The following CALN1 variants were observed in gnomAD, a reference collection of about 807,000 sequenced individuals.
The protein encoded by CALN1 is calcium-binding protein 8.
In CALN1, 17 loss-of-function variants were observed where a neutral mutation model predicts 30.6. The ratio of observed to expected loss-of-function variants is 0.56; its 90% CI spans 0.38 to 0.83. CALN1 has a LOEUF of 0.83. Ranked by LOEUF, CALN1 falls within the 40% of genes least tolerant of loss-of-function variation. The pLI, the probability that CALN1 is intolerant of heterozygous loss-of-function variation, is 0.00. For synonymous variants in CALN1, 156 were observed against 131.4 expected (o/e 1.19, Z -1.28); for missense variants, 291 against 354.9 (o/e 0.82, Z 1.45).
At chr7:72,494,602 C>T in the CALN1 span, among the ~76,000 whole-genome samples, 6 of 152,214 alleles carry the variant, frequency 3.9e-5, no homozygotes, top group Non-Finnish European at 7.3e-5. Flanking sequence ...ACAGGCCGGG[C>T]GCGTTGGCCC....
intron 5 of CALN1, among the ~76,000 whole-genome samples, chr7:71,819,325 C>G (rs1788459511): frequency 1.3e-5 from 2 of 151,832 alleles, no homozygotes; most frequent in Admixed American, 1.3e-4. Context: ...TCTCCTGCCT[C>G]AGCCTCCTGA....
intron 3 of CALN1, among the ~76,000 whole-genome samples, chr7:72,176,998 T>C (rs919921956): frequency 2.6e-5 from 4 of 152,114 alleles, no homozygotes; most frequent in African/African-American, 9.7e-5. Context: ...ACACCTATTG[T>C]AATTTCTGGT....
At chr7:72,262,038 T>C (rs1796303568) in intron 3 of CALN1, among the ~76,000 whole-genome samples, 1 of 152,182 alleles carries the variant, frequency 6.6e-6, no homozygotes, top group South Asian at 2.1e-4. Flanking sequence ...CCTCCCGCTT[T>C]AGAGAGGAAG....
rs371445784 is a variant in CALN1, at chr7:72,380,649, C to T, written c.119+22602G>A. Among the ~76,000 whole-genome samples the T allele has an allele frequency of 4.1e-4, 63 of 152,044 alleles. 1 individual carries two copies. The East Asian group carries it at 0.01, about 25-fold the overall frequency. ...CATATTAAGAGAGAAACCAGCTAGA[C>T]GGCTGCTCAGTGGGTTGGTGGATGG... On this transcript the variant is annotated intron_variant, in intron 2 of 6. Transcript: ENST00000395275.
At chr7:72,040,929 G>A (rs1802086455) in intron 4 of CALN1, among the ~76,000 whole-genome samples, 1 of 152,202 alleles carries the variant, frequency 6.6e-6, no homozygotes, top group Admixed American at 6.5e-5. Flanking sequence ...CAGGTCTGTG[G>A]TATCTTGGTG....
intron 4 of CALN1, among the ~76,000 whole-genome samples, chr7:72,083,627 A>AAAATAC (rs1805297140): frequency 6.6e-6 from 1 of 152,114 alleles, no homozygotes; most frequent in South Asian, 2.1e-4. Flanking sequence ...CAAGGAATAA[A>AAAATAC]AAATACATAT....
intron 2 of CALN1, among the ~76,000 whole-genome samples, chr7:72,340,857 G>T (rs1802346911): frequency 6.6e-6 from 1 of 152,110 alleles, no homozygotes; most frequent in South Asian, 2.1e-4. Flanking sequence ...TTTATAAGGG[G>T]AAACCCCTTT....
At chr7:72,000,438 C>G (rs1426869144) in intron 5 of CALN1, among the ~76,000 whole-genome samples, 1 of 151,676 alleles carries the variant, frequency 6.6e-6, no homozygotes, top group Non-Finnish European at 1.5e-5. Context: ...AAGAATTGGA[C>G]CAATTCCTGG....
intron 2 of CALN1, among the ~76,000 whole-genome samples, chr7:72,319,261 C>A (rs1047860240): frequency 2.0e-5 from 3 of 152,122 alleles, no homozygotes; most frequent in Non-Finnish European, 2.9e-5. Context: ...AAAGAGGTTC[C>A]ACAGACTCAC....
chr7:72,469,247 T>C, the CALN1 span, among the ~76,000 whole-genome samples: 1 of 152,178 alleles, frequency 6.6e-6, no homozygotes, highest in African/African-American at 2.4e-5. Flanking sequence ...TTGTTTAATG[T>C]AATATGGGGT....
At chr7:72,500,397 CA>C in the CALN1 span, among the ~76,000 whole-genome samples, 1 of 148,114 alleles carries the variant, frequency 6.8e-6, no homozygotes, top group Non-Finnish European at 1.5e-5. Context: ...TCTCCTGCCT[CA>C]GCCTCCCGAG....
At chr7:71,816,836 C>T (rs544186840) in intron 5 of CALN1, among the ~76,000 whole-genome samples, 6 of 152,160 alleles carry the variant, frequency 3.9e-5, no homozygotes, top group Non-Finnish European at 5.9e-5. Flanking sequence ...GGCGTGGTGA[C>T]GCATTCCTGT....
chr7:72,106,112 G>A (rs1232132615), intron 4 of CALN1, 39 bp downstream of exon 4: 2 of 1,604,868 alleles, frequency 1.2e-6, no homozygotes, highest in Non-Finnish European at 1.7e-6. Flanking sequence ...ATGAGACCGG[G>A]GCATGTCTCA....
chr7:72,459,735 T>C, the CALN1 span, among the ~76,000 whole-genome samples: 4 of 151,686 alleles, frequency 2.6e-5, no homozygotes, highest in Non-Finnish European at 5.9e-5. Flanking sequence ...AAAGGAAATG[T>C]ATATTTTCCA....
chr7:72,214,059 A>G (rs1209646388), intron 3 of CALN1, among the ~76,000 whole-genome samples: 1 of 152,216 alleles, frequency 6.6e-6, no homozygotes, highest in Non-Finnish European at 1.5e-5. Flanking sequence ...CAGCAAGTGC[A>G]CCAATCTGGG....
At chr7:71,810,284 G>C (rs947808269) in intron 6 of CALN1, 52 bp downstream of exon 6, 8 of 1,572,690 alleles carry the variant, frequency 5.1e-6, no homozygotes, top group Non-Finnish European at 6.9e-6. Context: ...TAGAGAGTGT[G>C]GTGCATTGGC....
intron 4 of CALN1, among the ~76,000 whole-genome samples, chr7:72,098,762 GCGCACACACACACACA>G (rs1336325963): frequency 8.7e-6 from 1 of 115,294 alleles, no homozygotes; most frequent in Admixed American, 8.1e-5. Context: ...CCCATTTGGC[GCGCACACACACACACA>G]CACACACACA....
At chr7:72,305,016 G>C (rs1012568472) in intron 2 of CALN1, among the ~76,000 whole-genome samples, 1 of 152,200 alleles carries the variant, frequency 6.6e-6, no homozygotes, top group African/African-American at 2.4e-5. Context: ...CTGCCTGATG[G>C]CCACGGCTAC....
At chr7:72,132,788 C>A (rs138613495) in intron 3 of CALN1, among the ~76,000 whole-genome samples, 134 of 152,188 alleles carry the variant, frequency 8.8e-4, no homozygotes, top group Non-Finnish European at 8.5e-4. Flanking sequence ...GACAATGTAG[C>A]CCATCAGAAA....
Sources: allele counts gnomAD v4.1 joint callset (sites outside exome capture counted in the v4.1 genomes callset), GRCh38; gene constraint gnomAD v4.1.1; transcripts MANE v1.5; gene names NCBI Gene and HGNC (gene_info 2026-07-23, HGNC 2026-07-21).